BIRC6: variants seen among roughly 807,000 people sequenced by gnomAD.
BIRC6 encodes baculoviral IAP repeat containing 6.
Under a neutral mutation model 503.3 loss-of-function variants are expected in BIRC6, and 98 were observed. That is an observed-to-expected ratio of 0.19 (90% CI 0.17 to 0.23). The LOEUF is 0.23. Among genes scored for constraint, BIRC6 ranks in the 10% least tolerant of loss-of-function variants. The pLI, the probability that BIRC6 is intolerant of heterozygous loss-of-function variation, is 1.00. For missense variants in BIRC6, 5,360 were observed against 5,806.0 expected, an observed-to-expected ratio of 0.92 and a Z score of 2.50; for synonymous variants, 2,240 against 2,078.7, an observed-to-expected ratio of 1.08 and a Z score of -2.11.
At chr2:32,412,915 A>G (rs1300463081) in intron 9 of BIRC6, among the ~76,000 whole-genome samples, 4 of 152,196 alleles carry the variant, frequency 2.6e-5, no homozygotes, top group Non-Finnish European at 2.9e-5. Flanking sequence ...AAAGTTATGT[A>G]TAAATAATAT....
At chr2:32,444,362 C>A (rs1438015599) in intron 20 of BIRC6, among the ~76,000 whole-genome samples, 1 of 151,880 alleles carries the variant, frequency 6.6e-6, no homozygotes, top group South Asian at 2.1e-4. Flanking sequence ...TCACATATAC[C>A]CCCTATATAT....
Position 32,392,160 on chromosome 2 carries a change from G to T in BIRC6, c.951+10G>T, listed in dbSNP as rs774853197. ...TGGATTTTATCATCAGGTAAAAAAA[G>T]AATATAAAAAAATACTTTTCTCAGT... is the stretch of plus-strand genomic sequence containing the variant. On this transcript the variant is annotated intron_variant, in intron 5 of 73. Transcript: ENST00000421745. 3.9e-6 allele frequency: 6 copies of T among 1,527,488 alleles called. No individual in the cohort carries two copies. The African/African-American group carries it at 6.9e-5, about 18-fold the overall frequency. The allele number at this position is 1,527,488 out of a possible 1,614,324, so 94.6% of individuals were successfully genotyped here.
rs2040592087 is a variant in BIRC6 at position 32,401,514 on chromosome 2, C to T, written c.1309C>T (p.Leu437Phe). 2 of 1,613,976 alleles carry T rather than the reference C, an allele frequency of 1.2e-6. No homozygotes were observed. Among genetic ancestry groups the T allele is most frequent in the Non-Finnish European group, 1.7e-6 (2 of 1,179,872 alleles). Residue 437 changes from leucine (L) to phenylalanine (F), a missense_variant, in exon 8 of 74, where the codon CTT becomes TTT. This residue lies in a region of BIRC6 where 700 missense variants were observed against 739.3 expected (regional missense o/e 0.95). Coordinates refer to ENST00000421745, the MANE Select transcript of BIRC6 (RefSeq NM_016252.4). Reference sequence around the variant, plus strand: ...CTATGATCCAGCAATTGTACAACAGCTTATTCTATCAGGAGACCCAAGCTC... The same window carrying T: ...CTATGATCCAGCAATTGTACAACAGTTTATTCTATCAGGAGACCCAAGCTC... ...NAYDPAIVQQ[L>F]ILSGDPSSGV... is the part of the protein sequence containing the mutation.
chr2:32,405,995 T>C (rs556615695), intron 8 of BIRC6, among the ~76,000 whole-genome samples: 1 of 152,230 alleles, frequency 6.6e-6, no homozygotes, highest in Non-Finnish European at 1.5e-5. Flanking sequence ...TTTAAGAAGA[T>C]TTTTGTCAGT....
intron 23 of BIRC6, among the ~76,000 whole-genome samples, chr2:32,455,172 A>G (rs937575064): frequency 6.6e-6 from 1 of 151,884 alleles, no homozygotes; most frequent in Non-Finnish European, 1.5e-5. Flanking sequence ...AGGTCAAGAG[A>G]TCGAGACCAT....
intron 54 of BIRC6, among the ~76,000 whole-genome samples, chr2:32,513,561 G>C (rs1319540734): frequency 6.6e-6 from 1 of 151,964 alleles, no homozygotes; most frequent in African/African-American, 2.4e-5. Context: ...GATCGCTTGA[G>C]TCAGGAGTTC....
At chr2:32,608,555 C>T (rs906263108) in intron 72 of BIRC6, among the ~76,000 whole-genome samples, 7 of 151,562 alleles carry the variant, frequency 4.6e-5, no homozygotes, top group East Asian at 2.0e-4. Flanking sequence ...GCTGGGATTA[C>T]GGGCATGTGG....
At chr2:32,559,349 G>C (rs543406844) in intron 65 of BIRC6, among the ~76,000 whole-genome samples, 11 of 152,342 alleles carry the variant, frequency 7.2e-5, no homozygotes, top group African/African-American at 2.4e-4. Flanking sequence ...GCTGCACTTG[G>C]AGACATGGTG....
chr2:32,567,565 ACTGGACAGTT>A (rs1259353755), intron 65 of BIRC6, among the ~76,000 whole-genome samples: 1 of 152,232 alleles, frequency 6.6e-6, no homozygotes, highest in Non-Finnish European at 1.5e-5. Context: ...TAGCTGCCAT[ACTGGACAGTT>A]CAGGAAGTAT....
intron 71 of BIRC6, among the ~76,000 whole-genome samples, chr2:32,604,174 C>T (rs1451563185): frequency 1.3e-5 from 2 of 152,084 alleles, no homozygotes; most frequent in Non-Finnish European, 2.9e-5. Context: ...TCTTATGCCC[C>T]TTTTACAGAT....
chr2:32,547,442 A>G (rs919259322), intron 63 of BIRC6, among the ~76,000 whole-genome samples: 1 of 152,174 alleles, frequency 6.6e-6, no homozygotes. Flanking sequence ...GATATTGCAT[A>G]TAAATTGAAT....
chr2:32,385,121 C>T (rs879684305), intron 3 of BIRC6, among the ~76,000 whole-genome samples: 1 of 152,230 alleles, frequency 6.6e-6, no homozygotes, highest in Admixed American at 6.5e-5. Flanking sequence ...GATTTACCTT[C>T]ACCACTCTCC....
chr2:32,477,792 G>A (rs138737893), intron 35 of BIRC6, among the ~76,000 whole-genome samples: 1 of 150,502 alleles, frequency 6.6e-6, no homozygotes, highest in East Asian at 2.0e-4. Context: ...AAAGGATGAT[G>A]TTTTTAGTCA....
chr2:32,454,978 A>G (rs1418248430), intron 23 of BIRC6, among the ~76,000 whole-genome samples: 4 of 152,352 alleles, frequency 2.6e-5, no homozygotes, highest in African/African-American at 9.6e-5. Context: ...CATTTTGTAG[A>G]AACTTTTACA....
At chr2:32,442,268 T>G (rs2045515112) in intron 18 of BIRC6, 42 bp downstream of exon 18, 1 of 1,606,410 alleles carries the variant, frequency 6.2e-7, no homozygotes, top group African/African-American at 1.3e-5. Context: ...GATTGCCTTT[T>G]AGATGTTATG....
intron 66 of BIRC6, 85 bp from the exon 67 acceptor site, chr2:32,593,830 C>T: frequency 8.5e-7 from 1 of 1,171,762 alleles, no homozygotes; most frequent in Non-Finnish European, 1.2e-6. Context: ...AATGCACACA[C>T]TCATTTGTAT....
At chr2:32,568,435 A>C (rs1198355563) in intron 65 of BIRC6, among the ~76,000 whole-genome samples, 1 of 147,590 alleles carries the variant, frequency 6.8e-6, no homozygotes, top group Non-Finnish European at 1.5e-5. Flanking sequence ...AAGGCTACAA[A>C]GTGCAATGGT....
intron 9 of BIRC6, among the ~76,000 whole-genome samples, chr2:32,409,844 T>A (rs924871442): frequency 2.0e-5 from 3 of 152,186 alleles, no homozygotes; most frequent in Admixed American, 1.3e-4. Context: ...GCCTAGTAGG[T>A]TTTAGAAATT....
intron 8 of BIRC6, 106 bp downstream of exon 8, chr2:32,401,729 G>A (rs2040618706): frequency 2.0e-6 from 2 of 977,558 alleles, no homozygotes; most frequent in Non-Finnish European, 2.9e-6. Context: ...AAGTTACGCA[G>A]TTAAGAGATC....
Sources: gnomAD v4.1 joint callset for allele counts (sites outside exome capture counted in the v4.1 genomes callset) on GRCh38, gnomAD v4.1.1 for gene constraint, gnomAD v4.1.1 regional missense constraint, MANE v1.5 for transcripts, NCBI Gene and HGNC (gene_info 2026-07-23, HGNC 2026-07-21) for gene names.